The following ZNF585A variants were observed in gnomAD, a reference collection of about 807,000 sequenced individuals.
ZNF585A encodes the protein zinc finger protein 585A.
Under a neutral mutation model 14.9 loss-of-function variants are expected in ZNF585A, and 9 were observed. The ratio of observed to expected loss-of-function variants is 0.60; its 90% CI spans 0.36 to 1.05. The LOEUF (loss-of-function observed/expected upper bound fraction) is 1.05. Ranked by LOEUF, ZNF585A falls within the 50% of genes least tolerant of loss-of-function variation. The pLI is 0.01. For synonymous variants in ZNF585A, 276 were observed against 319.9 expected (o/e 0.86, Z 1.46); for missense variants, 726 against 926.4 (o/e 0.78, Z 2.81).
In ZNF585A at chr19:37,155,928, T is replaced by C. The variant is rs757331043; in HGVS notation, c.229A>G (p.Met77Val). Residue 77 changes from methionine (M) to valine (V), a missense_variant, in exon 4 of 5, where the codon ATG becomes GTG. Physicochemically the swap from Met to Val is conservative, Grantham distance 21. Around this residue, in one of 2 missense-constraint regions of ZNF585A, gnomAD observed 483 missense variants for 542.8 expected, o/e 0.89. Coordinates refer to ENST00000292841, the MANE Select transcript of ZNF585A (RefSeq NM_001288800.2). ...CATGGTTCCTTTCCTTGCTCCAACA[T>C]GACCACCTCTGCTTCAGGAACTTGA... is the stretch of plus-strand genomic sequence containing the variant. ...GYQVPEAEVV[M>V]LEQGKEPWAL... 6.2e-6 allele frequency: 10 copies of C among 1,613,066 alleles called. No homozygotes were observed. Among genetic ancestry groups the C allele is most frequent in the Non-Finnish European group, 5.9e-6 (7 of 1,180,006 alleles).
chr19:37,165,563 C>T (rs1281271699), intron 2 of ZNF585A: 4 of 813,932 alleles, frequency 4.9e-6, no homozygotes, highest in Non-Finnish European at 4.4e-6. Flanking sequence ...GAGAACATAG[C>T]AGTTGTTTCA....
At position 37,152,254 on chromosome 19, in the gene ZNF585A, GTCTC is replaced by G. The variant is rs1568492931; in HGVS notation, c.1641_1644del (p.Glu547AspfsTer130). ...TTCCCACATTCGTGGCATTCATACT[GTCTC>G]TCTCCAGTGTGAATTTTCTGATGTA... On this transcript the variant is annotated frameshift_variant, in exon 5 of 5. Transcript: ENST00000292841. LOFTEE classifies it low-confidence loss of function (END_TRUNC). 1.9e-6 allele frequency: 3 copies of G among 1,614,112 alleles called. No individual in the cohort carries two copies. In the South Asian group the frequency reaches 3.3e-5, roughly 18 times the overall value.
At chr19:37,165,611 TCTA>T in intron 2 of ZNF585A, 1 of 983,304 alleles carries the variant, frequency 1.0e-6, no homozygotes, top group Non-Finnish European at 1.2e-6. Context: ...ATTGTTTTCT[TCTA>T]CTCTTCAATG....
rs1971862873 is a variant in ZNF585A, at chr19:37,153,031, T to C, written c.868A>G (p.Arg290Gly). The change falls in exon 5 of 5, where the codon AGA (arginine) becomes GGA (glycine). Residue 290 changes from arginine (R) to glycine (G), a missense_variant. By Grantham distance (125) the Arg-to-Gly change is moderately radical (BLOSUM62 -2). This residue lies in a region of ZNF585A where 483 missense variants were observed against 542.8 expected (regional missense o/e 0.89). Coordinates refer to ENST00000292841, the MANE Select transcript of ZNF585A (RefSeq NM_001288800.2). ...TATGGTTTTTCTCCAGTATGAATTC[T>C]TCGGTGTGCAATCAAATGGGTCTTC... ...IQKTHLIAHRRIHTGEKPYEC... is the reference protein window; with the variant it reads ...IQKTHLIAHRGIHTGEKPYEC... 4 of 1,614,118 alleles carry C rather than the reference T, an allele frequency of 2.5e-6. No homozygotes were observed. The highest frequency in any genetic ancestry group is 3.4e-6 in the Non-Finnish European group (4 of 1,180,050).
rs753640177 is a variant in ZNF585A, at chr19:37,148,051, G to A, written c.*3538C>T. ...GTAAATACCTAAGTGTGGAGTTGCTGAGTCATATGATAAATGTATGGTTAA... is the reference window on the plus strand; with the variant it reads ...GTAAATACCTAAGTGTGGAGTTGCTAAGTCATATGATAAATGTATGGTTAA... On this transcript the variant is annotated 3_prime_UTR_variant, in exon 5 of 5. Coordinates refer to ENST00000292841, the MANE Select transcript of ZNF585A (RefSeq NM_001288800.2). 3 of 152,134 alleles carry A rather than the reference G, an allele frequency of 2.0e-5. No individual in the cohort carries two copies. The highest frequency in any genetic ancestry group is 4.4e-5 in the Non-Finnish European group (3 of 68,038). The allele number at this position is 152,134 out of a possible 1,614,324, so 9.4% of individuals were successfully genotyped here. A position where few individuals can be genotyped will look rare whatever the true frequency, so the allele number is the denominator to read the frequency against.
At chr19:37,164,904 C>T (rs1972063888) in intron 2 of ZNF585A, among the ~76,000 whole-genome samples, 1 of 152,164 alleles carries the variant, frequency 6.6e-6, no homozygotes, top group Admixed American at 6.5e-5. Flanking sequence ...AACTCATGGG[C>T]TCAAGCAATC....
chr19:37,157,951 C>T (rs576532422), intron 2 of ZNF585A, among the ~76,000 whole-genome samples: 3 of 148,788 alleles, frequency 2.0e-5, no homozygotes, highest in African/African-American at 2.5e-5. Context: ...TGCAGTGGTG[C>T]GATCTCGGCT....
At chr19:37,158,164 G>T (rs1202217944) in intron 2 of ZNF585A, among the ~76,000 whole-genome samples, 1 of 152,162 alleles carries the variant, frequency 6.6e-6, no homozygotes, top group Non-Finnish European at 1.5e-5. Context: ...GGGATTACTG[G>T]CATGAGCTAC....
chr19:37,169,263 A>G (rs978650163), intron 2 of ZNF585A, among the ~76,000 whole-genome samples: 1 of 152,132 alleles, frequency 6.6e-6, no homozygotes, highest in African/African-American at 2.4e-5. Flanking sequence ...AAAATAAATT[A>G]CAGTTATTAA....
chr19:37,168,729 T>TA (rs1972135199), intron 2 of ZNF585A, among the ~76,000 whole-genome samples: 1 of 152,192 alleles, frequency 6.6e-6, no homozygotes, highest in African/African-American at 2.4e-5. Flanking sequence ...TACTACAACT[T>TA]ACACATGCAA....
chr19:37,152,184 T>C lies in ZNF585A; in HGVS notation c.1715A>G (p.His572Arg). 1 of 1,612,428 alleles carries C rather than the reference T, an allele frequency of 6.2e-7. No homozygotes were observed. Among genetic ancestry groups the C allele is most frequent in the South Asian group, 1.1e-5 (1 of 90,892 alleles). The change falls in exon 5 of 5, where the codon CAT (histidine) becomes CGT (arginine). Residue 572 changes from histidine to arginine, a missense_variant. By Grantham distance (29) the His-to-Arg change is conservative (BLOSUM62 0). This residue lies in a region of ZNF585A where 243 missense variants were observed against 383.6 expected (regional missense o/e 0.63). Transcript: ENST00000292841. ...KSILIVHQKI[H>R]TGEKPYVCTE... is the part of the protein sequence containing the mutation. ...GCATACATAGGGTTTCTCTCCTGTA[T>C]GAATTTTCTGATGAACAATGAGTAT...
chr19:37,151,661 G>A lies in ZNF585A; in HGVS notation c.2238C>T (p.Tyr746=). ...HQTTHTGDKP[Y]KCGICGKGFV... ...AGCCTTTCCCACAGATGCCACACTT[G>A]TAGGGTTTGTCTCCAGTGTGTGTTG... The change falls in exon 5 of 5, where the codon TAC becomes TAT. Residue 746 remains tyrosine (Y), a synonymous_variant. Coordinates refer to ENST00000292841, the MANE Select transcript of ZNF585A (RefSeq NM_001288800.2). 2 of 1,614,192 alleles carry A rather than the reference G, an allele frequency of 1.2e-6. No individual in the cohort carries two copies. Among genetic ancestry groups the A allele is most frequent in the Non-Finnish European group, 1.7e-6 (2 of 1,180,036 alleles).
chr19:37,170,852 G>C (rs189243190), intron 1 of ZNF585A, among the ~76,000 whole-genome samples: 50 of 152,256 alleles, frequency 3.3e-4, no homozygotes, highest in Admixed American at 2.6e-3. Flanking sequence ...GATAATACTT[G>C]TAAAGTACTC....
Position 37,152,912 on chromosome 19 carries a change from G to A in ZNF585A, c.987C>T (p.Thr329=), listed in dbSNP as rs762099493. 3 of 1,614,078 alleles carry A rather than the reference G, an allele frequency of 1.9e-6. No individual in the cohort carries two copies. The highest frequency in any genetic ancestry group is 1.6e-4 in the Middle Eastern group (1 of 6,062). The change falls in exon 5 of 5, where the codon ACC becomes ACT. Residue 329 remains threonine (T), a synonymous_variant. Coordinates refer to ENST00000292841, the MANE Select transcript of ZNF585A (RefSeq NM_001288800.2). ...TATTGCTGAAGACCTTCCCATATTC[G>A]GTACATATATAGGGCTTCACTCTTG... ...VHTRVKPYIC[T]EYGKVFSNNS...
At chr19:37,167,589 T>TTTTTATTTTATTTTATTTTATTTTA (rs59039152) in intron 2 of ZNF585A, among the ~76,000 whole-genome samples, 36 of 144,162 alleles carry the variant, frequency 2.5e-4, no homozygotes, top group African/African-American at 8.8e-4. Context: ...TTACTTTTTA[T>TTTTTATTTTATTTTATTTTATTTTA]TTTTATTTTA....
rs1189611710 is a variant in ZNF585A, at chr19:37,169,708, G to A, written c.72+131C>T. 31 of 972,762 alleles carry A rather than the reference G, an allele frequency of 3.2e-5. No individual in the cohort carries two copies. The East Asian group carries it at 5.2e-4, about 16-fold the overall frequency. 60.3% of individuals were successfully genotyped at this position (972,762 alleles called of 1,614,324 possible). On this transcript the variant is annotated intron_variant, in intron 2 of 4. Coordinates refer to ENST00000292841, the MANE Select transcript of ZNF585A (RefSeq NM_001288800.2). ...ACAGGAAGATCAAGATTTGTTTCAG[G>A]AGCAGCAGGTCTAGAGTCCAGCTGC...
rs991189300 is a variant in ZNF585A at position 37,146,797 on chromosome 19, T to C, written c.*4792A>G. On this transcript the variant is annotated 3_prime_UTR_variant, in exon 5 of 5. Transcript: ENST00000292841. Reference sequence around the variant, plus strand: ...GTGACCAGGAGGAGGCTAAGTTAGATCTTGTAAACAGTGTGGAATGTATGT... The same window carrying C: ...GTGACCAGGAGGAGGCTAAGTTAGACCTTGTAAACAGTGTGGAATGTATGT... 6.6e-6 allele frequency: 1 copy of C among 152,364 alleles called. No individual in the cohort carries two copies. The allele number at this position is 152,364 out of a possible 1,614,324, so 9.4% of individuals were successfully genotyped here.
At chr19:37,168,159 C>T (rs1305964357) in intron 2 of ZNF585A, among the ~76,000 whole-genome samples, 1 of 152,074 alleles carries the variant, frequency 6.6e-6, no homozygotes, top group Non-Finnish European at 1.5e-5. Context: ...ATGAACCATC[C>T]TCTTCATCCC....
intron 2 of ZNF585A, among the ~76,000 whole-genome samples, chr19:37,160,390 C>A (rs940481888): frequency 3.2e-4 from 43 of 135,180 alleles, no homozygotes; most frequent in Non-Finnish European, 5.8e-4. Context: ...AAATAAATAA[C>A]TAGAAAAAGA....
Sources: allele counts gnomAD v4.1 joint callset (sites outside exome capture counted in the v4.1 genomes callset), GRCh38; gene constraint gnomAD v4.1.1; regional missense constraint gnomAD v4.1.1; transcripts MANE v1.5; gene names NCBI Gene and HGNC (gene_info 2026-07-23, HGNC 2026-07-21).